Variants in ARL10 observed in about 807,000 individuals in gnomAD.
ARL10 encodes the protein ARF like GTPase 10.
ARL10 carries 23 observed loss-of-function variants against 26.1 expected under a neutral mutation model. That is an observed-to-expected ratio of 0.88 (90% CI 0.63 to 1.25). ARL10 has a LOEUF of 1.25. Ranked by LOEUF, ARL10 falls within the 50% of genes most tolerant of loss-of-function variation. ARL10 has a pLI of 0.00. For missense variants in ARL10, 300 were observed against 323.6 expected, an observed-to-expected ratio of 0.93 and a Z score of 0.56; for synonymous variants, 138 against 149.1, an observed-to-expected ratio of 0.93 and a Z score of 0.54.
chr5:176,396,468 C>G (rs369257313), intron 1 of ARL10: 1 of 1,612,642 alleles, frequency 6.2e-7, no homozygotes, highest in South Asian at 1.1e-5. Context: ...AGAAGCAAAA[C>G]AGACACGTAC....
At chr5:176,412,091 GTGTGA>G in the ARL10 span, among the ~76,000 whole-genome samples, 2 of 151,252 alleles carry the variant, frequency 1.3e-5, no homozygotes, top group Non-Finnish European at 2.9e-5. Context: ...CAGGAGAATG[GTGTGA>G]ACCCGGGAGG....
downstream of ARL10, among the ~76,000 whole-genome samples, chr5:176,402,716 G>A (rs1756887086): frequency 6.6e-6 from 1 of 152,220 alleles, no homozygotes; most frequent in Admixed American, 6.5e-5. Context: ...GGACGAGCAA[G>A]ACACCTTCCA....
Position 176,375,656 on chromosome 5 carries a change from A to G in ARL10, c.*3761A>G, listed in dbSNP as rs951988258. On this transcript the variant is annotated 3_prime_UTR_variant, in exon 4 of 4. Coordinates refer to ENST00000310389, the MANE Select transcript of ARL10 (RefSeq NM_173664.6). ...TCAGGACAGAGTAAGCAAATTATCC[A>G]CAGACCTAATATGTACCCTCTGAAG... The G allele has an allele frequency of 6.6e-6, 1 of 152,204 alleles. No homozygotes were observed. The highest frequency in any genetic ancestry group is 2.4e-5 in the African/African-American group (1 of 41,456). The allele number at this position is 152,204 out of a possible 1,614,324, so 9.4% of individuals were successfully genotyped here.
chr5:176,398,043 G>A (rs370489885), intron 1 of ARL10: 11 of 1,613,744 alleles, frequency 6.8e-6, no homozygotes, highest in Non-Finnish European at 9.3e-6. Context: ...AGGACCGTTG[G>A]CCTCCTAGAA....
intron 1 of ARL10, chr5:176,397,523 CCCTCAT>C: frequency 1.7e-6 from 1 of 575,716 alleles, no homozygotes; most frequent in South Asian, 2.5e-5. Context: ...CCCCATGGCC[CCCTCAT>C]GTCCCCACGG....
At chr5:176,393,615 C>T (rs952592009), downstream of ARL10, among the ~76,000 whole-genome samples, 1 of 152,158 alleles carries the variant, frequency 6.6e-6, no homozygotes, top group African/African-American at 2.4e-5. The surrounding 1 kb of genome is among the most constrained non-coding windows in gnomAD (Gnocchi z 4.4). Flanking sequence ...CCACAGAGCC[C>T]TTTGTAGCCC....
exon 2 of ARL10, chr5:176,388,626 A>G: frequency 7.1e-7 from 1 of 1,402,726 alleles, no homozygotes; most frequent in Non-Finnish European, 9.9e-7. Flanking sequence ...AGGCGTGCAC[A>G]AGGCTTTGCG....
At chr5:176,386,850 A>C, downstream of ARL10, 1 of 1,614,020 alleles carries the variant, frequency 6.2e-7, no homozygotes, top group Non-Finnish European at 8.5e-7. Context: ...CATTCAGCAC[A>C]TAGGGCTTCC....
downstream of ARL10, chr5:176,389,670 T>C (rs1000459344): frequency 1.7e-6 from 1 of 597,056 alleles, no homozygotes; most frequent in Non-Finnish European, 2.8e-6. Context: ...AAATCCTAGA[T>C]GCTGTTGTTT....
At chr5:176,369,016 G>A in intron 3 of ARL10, 34 bp downstream of exon 3, 1 of 1,610,752 alleles carries the variant, frequency 6.2e-7, no homozygotes, top group Non-Finnish European at 8.5e-7. Context: ...CGGTCCAGGT[G>A]ACATCCACTC....
rs1410753246 is a variant in ARL10, at chr5:176,379,048, T to C, written c.*7153T>C. 1.3e-5 allele frequency: 2 copies of C among 152,134 alleles called. No individual in the cohort carries two copies. The highest frequency in any genetic ancestry group is 1.9e-4 in the East Asian group (1 of 5,196). 9.4% of individuals were successfully genotyped at this position (152,134 alleles called of 1,614,324 possible). ...AGATCAGATGAACCCTTTACCAATC[T>C]GGGGGTTGCTGCCACTGCCTTTAAA... On this transcript the variant is annotated 3_prime_UTR_variant, in exon 4 of 4. Coordinates refer to ENST00000310389, the MANE Select transcript of ARL10 (RefSeq NM_173664.6).
At chr5:176,388,814 C>G (rs887176986), downstream of ARL10, 4 of 1,612,336 alleles carry the variant, frequency 2.5e-6, no homozygotes, top group East Asian at 8.9e-5. Flanking sequence ...CTGCTGTGGC[C>G]CGGACATGGC....
rs934519783 is a variant in ARL10 at position 176,379,432 on chromosome 5, G to A, written c.*7537G>A. 1 of 152,176 alleles carries A rather than the reference G, an allele frequency of 6.6e-6. No individual in the cohort carries two copies. The highest frequency in any genetic ancestry group is 1.5e-5 in the Non-Finnish European group (1 of 68,046). 9.4% of individuals were successfully genotyped at this position (152,176 alleles called of 1,614,324 possible). On this transcript the variant is annotated 3_prime_UTR_variant, in exon 4 of 4. Transcript: ENST00000310389. ...GATCCACCCGCCTCGGCCTCCCAAA[G>A]TGCTGGGTCAACTATGTTCTTGAGT...
chr5:176,401,455 GA>G (rs1756812764), intron 1 of ARL10, among the ~76,000 whole-genome samples: 1 of 152,182 alleles, frequency 6.6e-6, no homozygotes, highest in Admixed American at 6.5e-5. Flanking sequence ...TGGGTGTTTT[GA>G]CAGGAATCCT....
chr5:176,409,990 T>C, the ARL10 span, among the ~76,000 whole-genome samples: 13 of 152,154 alleles, frequency 8.5e-5, no homozygotes, highest in Admixed American at 2.6e-4. Flanking sequence ...TGTGGGCCAC[T>C]TGACCTCTCC....
At chr5:176,403,072 C>A (rs1177623229), downstream of ARL10, among the ~76,000 whole-genome samples, 1 of 132,850 alleles carries the variant, frequency 7.5e-6, no homozygotes, top group Non-Finnish European at 1.6e-5. Flanking sequence ...TTTTTTGAGG[C>A]GGAGTCTCGC....
rs1561776123 is a variant in ARL10, at chr5:176,375,324, CCATCCATCCATCAT to C, written c.*3431_*3444del. ...TCCATCCATCCATCCATCCATCCAT[CCATCCATCCATCAT>C]CCACCCATCCATCCATCCATCCATC... On this transcript the variant is annotated 3_prime_UTR_variant, in exon 4 of 4. Transcript: ENST00000310389. 2 of 55,176 alleles carry C rather than the reference CCATCCATCCATCAT, an allele frequency of 3.6e-5. No individual in the cohort carries two copies. The highest frequency in any genetic ancestry group is 9.0e-5 in the Non-Finnish European group (2 of 22,146). 3.4% of individuals were successfully genotyped at this position (55,176 alleles called of 1,614,324 possible).
downstream of ARL10, chr5:176,384,590 C>T (rs1453157513): frequency 5.2e-6 from 3 of 573,606 alleles, no homozygotes; most frequent in Non-Finnish European, 9.2e-6. Context: ...AGTTCCAGGC[C>T]ACCCTGGGCA....
intron 1 of ARL10, among the ~76,000 whole-genome samples, chr5:176,399,838 A>C (rs1194251247): frequency 1.3e-5 from 2 of 151,524 alleles, no homozygotes; most frequent in African/African-American, 2.4e-5. Context: ...AGATCGTGCC[A>C]CTGCACTCCA....
Sources: allele counts gnomAD v4.1 joint callset (sites outside exome capture counted in the v4.1 genomes callset), GRCh38; gene constraint gnomAD v4.1.1; non-coding constraint Gnocchi (gnomAD v3.1); transcripts MANE v1.5; gene names NCBI Gene and HGNC (gene_info 2026-07-23, HGNC 2026-07-21).